ZSWIM7: variants seen among roughly 807,000 people sequenced by gnomAD.
ZSWIM7 encodes the protein zinc finger SWIM domain-containing protein 7.
ZSWIM7 carries 22 observed loss-of-function variants against 21.1 expected under a neutral mutation model. That is an observed-to-expected ratio of 1.04 (90% confidence interval 0.74 to 1.49). The LOEUF (loss-of-function observed/expected upper bound fraction) is 1.49, where lower values mean the gene tolerates loss of function less well. Ranked by LOEUF, ZSWIM7 falls within the 40% of genes most tolerant of loss-of-function variation. The pLI, the probability that ZSWIM7 is intolerant of heterozygous loss-of-function variation, is 0.00. For missense variants in ZSWIM7, 193 were observed against 168.0 expected (o/e 1.15, Z -0.82); for synonymous variants, 67 against 66.5 (o/e 1.01, Z -0.04).
chr17:15,993,035 C>T (rs1351988504), intron 2 of ZSWIM7, among the ~76,000 whole-genome samples: 1 of 151,568 alleles, frequency 6.6e-6, no homozygotes, highest in African/African-American at 2.4e-5. Context: ...TGTGCCACCA[C>T]ATCCCACTAC....
intron 3 of ZSWIM7, among the ~76,000 whole-genome samples, chr17:15,985,188 C>T (rs1445127182): frequency 6.6e-6 from 1 of 151,986 alleles, no homozygotes; most frequent in African/African-American, 2.4e-5. Context: ...CCTGTAATCC[C>T]AGCTACTCAG....
intron 4 of ZSWIM7, among the ~76,000 whole-genome samples, 156 bp from the exon 5 acceptor site, chr17:15,978,319 C>T (rs775205346): frequency 5.9e-5 from 9 of 152,124 alleles, no homozygotes; most frequent in East Asian, 1.9e-4. Flanking sequence ...GCAGATGGGC[C>T]GGGCATGGTG....
At position 15,978,062 on chromosome 17, in the gene ZSWIM7, C is replaced by T; in HGVS notation, c.408G>A (p.Lys136=). ...TCTGTACCTTTTATGCTTCTTGTTT[C>T]TTCTCCATCAATAATATGTCAGTCA... The part of the protein sequence containing the change: ...KQLTDILLME[K]KQEA The change falls in exon 5 of 5, where the codon AAG becomes AAA. Residue 136 remains lysine (K), a synonymous_variant. Coordinates refer to ENST00000399277, the MANE Select transcript of ZSWIM7 (RefSeq NM_001042697.2). 6.2e-7 allele frequency: 1 copy of T among 1,613,214 alleles called. No homozygotes were observed. The highest frequency in any genetic ancestry group is 8.5e-7 in the Non-Finnish European group (1 of 1,179,328).
intron 3 of ZSWIM7, among the ~76,000 whole-genome samples, chr17:15,983,582 T>C (rs1026341337): frequency 1.3e-5 from 2 of 152,010 alleles, no homozygotes; most frequent in Admixed American, 1.3e-4. Flanking sequence ...CATCCAGCAG[T>C]GACATGTATA....
chr17:15,983,003 C>T (rs1970372880), intron 3 of ZSWIM7, among the ~76,000 whole-genome samples: 1 of 151,944 alleles, frequency 6.6e-6, no homozygotes, highest in Non-Finnish European at 1.5e-5. Flanking sequence ...TTTTAGGTTA[C>T]CAGAAATAGC....
intron 2 of ZSWIM7, among the ~76,000 whole-genome samples, chr17:15,992,705 C>T (rs1002964776): frequency 1.3e-5 from 2 of 151,732 alleles, no homozygotes; most frequent in Admixed American, 1.3e-4. Context: ...TCCCAAAATG[C>T]TGCGATTACA....
chr17:15,979,833 C>A lies in ZSWIM7; in HGVS notation c.306+1207G>T, dbSNP rs552930522. 5.7e-4 allele frequency among the ~76,000 whole-genome samples: 66 copies of A among 115,720 alleles called. 1 individual carries two copies. Among genetic ancestry groups the A allele is most frequent in the African/African-American group, 2.2e-3 (62 of 28,124 alleles). 75.9% of individuals were successfully genotyped at this position (115,720 alleles called of 152,430 possible). ...CTCCCTCCCGGACGGGGGGCTGACC[C>A]CCCCACCTCCCTCCCGGACGGGGCG... is the stretch of plus-strand genomic sequence containing the variant. On this transcript the variant is annotated intron_variant, in intron 4 of 4. Transcript: ENST00000399277.
intron 1 of ZSWIM7, among the ~76,000 whole-genome samples, chr17:15,996,851 GAA>G (rs760673648): frequency 7.8e-6 from 1 of 128,468 alleles, no homozygotes. Flanking sequence ...ACCTTGTCTC[GAA>G]AAAAAAAAAA....
intron 2 of ZSWIM7, among the ~76,000 whole-genome samples, chr17:15,993,352 A>C (rs556987605): frequency 2.4e-5 from 1 of 41,822 alleles, no homozygotes; most frequent in Non-Finnish European, 6.8e-5. Context: ...TTTTTATTTT[A>C]TTTATTTATT....
intron 2 of ZSWIM7, among the ~76,000 whole-genome samples, chr17:15,987,599 ATATT>A (rs759105285): frequency 1.1e-4 from 16 of 151,638 alleles, no homozygotes; most frequent in Non-Finnish European, 2.2e-4. Flanking sequence ...GTGTGTATAT[ATATT>A]TATTTATTAT....
At chr17:15,997,071 G>A (rs1970563874) in intron 1 of ZSWIM7, among the ~76,000 whole-genome samples, 1 of 151,328 alleles carries the variant, frequency 6.6e-6, no homozygotes, top group Admixed American at 6.6e-5. Context: ...GGCTGAGGTG[G>A]GAGGATCATC....
At chr17:15,992,011 C>T (rs531523064) in intron 2 of ZSWIM7, among the ~76,000 whole-genome samples, 35 of 151,518 alleles carry the variant, frequency 2.3e-4, no homozygotes, top group Non-Finnish European at 4.9e-4. Flanking sequence ...ACTGCAACCT[C>T]TGTCTCCTGG....
intron 2 of ZSWIM7, among the ~76,000 whole-genome samples, chr17:15,988,896 T>C (rs1970448186): frequency 6.6e-6 from 1 of 152,100 alleles, no homozygotes; most frequent in Admixed American, 6.5e-5. Flanking sequence ...GGCACACGCC[T>C]GTAGTCCCAG....
At chr17:15,984,632 CTT>C (rs1305569693) in intron 3 of ZSWIM7, among the ~76,000 whole-genome samples, 1 of 152,186 alleles carries the variant, frequency 6.6e-6, no homozygotes, top group South Asian at 2.1e-4. Flanking sequence ...TCCACAGTGT[CTT>C]TGTTATTGTT....
At chr17:15,982,318 G>T (rs1026931636) in intron 3 of ZSWIM7, among the ~76,000 whole-genome samples, 5 of 152,136 alleles carry the variant, frequency 3.3e-5, no homozygotes, top group African/African-American at 1.2e-4. Flanking sequence ...CCACCTGGAG[G>T]CGTAAGATTA....
chr17:15,995,314 C>T (rs1299435105), intron 1 of ZSWIM7, among the ~76,000 whole-genome samples: 1 of 150,660 alleles, frequency 6.6e-6, no homozygotes, highest in Non-Finnish European at 1.5e-5. Context: ...GTTGCCCAGG[C>T]TGGAGTACAA....
At chr17:15,998,298 A>T (rs1265569131) in intron 1 of ZSWIM7, among the ~76,000 whole-genome samples, 1 of 152,214 alleles carries the variant, frequency 6.6e-6, no homozygotes, top group Non-Finnish European at 1.5e-5. Flanking sequence ...GTATGTTTGA[A>T]TACTTGGCTG....
chr17:15,988,471 G>GTTT (rs1970442740), intron 2 of ZSWIM7, among the ~76,000 whole-genome samples: 1 of 151,922 alleles, frequency 6.6e-6, no homozygotes, highest in African/African-American at 2.4e-5. Flanking sequence ...TTTAGTTTAT[G>GTTT]TAACTAAAGC....
intron 3 of ZSWIM7, 55 bp downstream of exon 3, chr17:15,987,211 A>C: frequency 7.1e-7 from 1 of 1,411,584 alleles, no homozygotes; most frequent in South Asian, 1.4e-5. Context: ...AGAGATGAAG[A>C]ACATTTTGTC....
Sources: gnomAD v4.1 joint callset for allele counts (sites outside exome capture counted in the v4.1 genomes callset) on GRCh38, gnomAD v4.1.1 for gene constraint, MANE v1.5 for transcripts, NCBI Gene and HGNC (gene_info 2026-07-23, HGNC 2026-07-21) for gene names.